Variants in KCNQ5 observed in about 807,000 individuals in gnomAD.
KCNQ5 encodes potassium voltage-gated channel subfamily Q member 5.
A neutral mutation model predicts 98.2 loss-of-function variants in KCNQ5; 30 were observed. The observed-to-expected ratio is 0.31, with a 90% CI of 0.23 to 0.41. The LOEUF is 0.41. KCNQ5 is among the 10% of genes least tolerant of loss of function. KCNQ5 has a pLI of 1.00. For missense variants in KCNQ5, 835 were observed against 1,182.5 expected, an observed-to-expected ratio of 0.71 and a Z score of 4.31; for synonymous variants, 458 against 449.4, an observed-to-expected ratio of 1.02 and a Z score of -0.24.
At chr6:72,820,821 G>A (rs1179589719) in intron 1 of KCNQ5, among the ~76,000 whole-genome samples, 1 of 152,144 alleles carries the variant, frequency 6.6e-6, no homozygotes, top group African/African-American at 2.4e-5. Context: ...CACATACGGT[G>A]TTTATGAATT....
At chr6:72,790,983 A>G (rs1774005041) in intron 1 of KCNQ5, among the ~76,000 whole-genome samples, 1 of 152,318 alleles carries the variant, frequency 6.6e-6, no homozygotes, top group Middle Eastern at 3.4e-3. Flanking sequence ...AATGGCACAC[A>G]TGGGGGGAAA....
At position 72,644,533 on chromosome 6, in the gene KCNQ5, A is replaced by G. The variant is rs76519172; in HGVS notation, c.398+21946A>G. On this transcript the variant is annotated intron_variant, in intron 1 of 13. Coordinates refer to ENST00000370398, the MANE Select transcript of KCNQ5 (RefSeq NM_019842.4). ...GTATTAACTTAGAGGTTACAAATCA[A>G]TTTTGAGTAGATAAATTCTCAAATA... is the stretch of plus-strand genomic sequence containing the variant. 4.2e-3 allele frequency among the ~76,000 whole-genome samples: 636 copies of G among 152,284 alleles called. 2 individuals carry two copies. Among genetic ancestry groups the G allele is most frequent in the Admixed American group, 4.4e-3 (68 of 15,282 alleles).
At chr6:72,864,416 G>C (rs1020250010) in intron 1 of KCNQ5, among the ~76,000 whole-genome samples, 1 of 152,134 alleles carries the variant, frequency 6.6e-6, no homozygotes, top group African/African-American at 2.4e-5. Context: ...CAAACTCTTT[G>C]CCCAGAAGCA....
At chr6:73,122,946 A>G (rs925169799) in intron 8 of KCNQ5, among the ~76,000 whole-genome samples, 1 of 152,204 alleles carries the variant, frequency 6.6e-6, no homozygotes, top group Non-Finnish European at 1.5e-5. Context: ...GTGTTGTAGT[A>G]AGAAACAGAC....
chr6:73,033,987 C>T (rs1298477408), intron 2 of KCNQ5, among the ~76,000 whole-genome samples: 1 of 152,154 alleles, frequency 6.6e-6, no homozygotes, highest in Non-Finnish European at 1.5e-5. Context: ...AGTTAGTAAG[C>T]ATGTTTTTAG....
chr6:72,913,098 A>G (rs1232215206), intron 1 of KCNQ5, among the ~76,000 whole-genome samples: 1 of 152,316 alleles, frequency 6.6e-6, no homozygotes, highest in South Asian at 2.1e-4. Flanking sequence ...ATTCTCATTT[A>G]TGATATATAC....
At chr6:72,878,565 G>A (rs1445440301) in intron 1 of KCNQ5, among the ~76,000 whole-genome samples, 1 of 152,064 alleles carries the variant, frequency 6.6e-6, no homozygotes, top group African/African-American at 2.4e-5. Flanking sequence ...TCCTGGCTGG[G>A]TACTTTTATG....
At position 73,077,857 on chromosome 6, in the gene KCNQ5, T is replaced by C; in HGVS notation, c.888T>C (p.Ser296=). Reference sequence around the variant, plus strand: ...AAAAGGATGCCAATAAAGAGTTTTCTACATATGCAGATGCTCTCTGGTGGG... The same window carrying C: ...AAAAGGATGCCAATAAAGAGTTTTCCACATATGCAGATGCTCTCTGGTGGG... ...LVEKDANKEF[S]TYADALWWGT... is the part of the protein sequence containing the mutation. Residue 296 remains serine (S), a synonymous_variant, in exon 5 of 14, where the codon TCT becomes TCC. Coordinates refer to ENST00000370398, the MANE Select transcript of KCNQ5 (RefSeq NM_019842.4). The C allele has an allele frequency of 2.5e-6, 4 of 1,612,312 alleles. No individual in the cohort carries two copies. The highest frequency in any genetic ancestry group is 1.1e-5 in the South Asian group (1 of 90,706).
chr6:72,876,432 C>T (rs1283359066), intron 1 of KCNQ5, among the ~76,000 whole-genome samples: 1 of 152,142 alleles, frequency 6.6e-6, no homozygotes, highest in Non-Finnish European at 1.5e-5. Context: ...CTCATAAAAA[C>T]AATAAAATCT....
rs112570616 is a variant in KCNQ5 at position 72,724,582 on chromosome 6, T to TAC, written c.398+102006_398+102007dup. Among the ~76,000 whole-genome samples the TAC allele has an allele frequency of 7.1e-3, 1,077 of 152,200 alleles. 17 individuals carry two copies. The highest frequency in any genetic ancestry group is 0.025 in the African/African-American group (1,028 of 41,528). ...GTGCCTTGGAAATTGTCCATGAACT[T>TAC]ACACACACACACCACATGTGAATTT... On this transcript the variant is annotated intron_variant, in intron 1 of 13. Transcript: ENST00000370398.
intron 1 of KCNQ5, among the ~76,000 whole-genome samples, chr6:72,632,295 C>G (rs2098921382): frequency 6.6e-6 from 1 of 151,698 alleles, no homozygotes; most frequent in Admixed American, 6.6e-5. Flanking sequence ...CCGCGACCAC[C>G]CCTGGCTAAT....
chr6:73,113,835 C>G (rs562783319), intron 7 of KCNQ5, among the ~76,000 whole-genome samples: 14 of 152,292 alleles, frequency 9.2e-5, no homozygotes, highest in Admixed American at 2.6e-4. Flanking sequence ...TTTTATGGAA[C>G]TGGGTTATGT....
intron 2 of KCNQ5, among the ~76,000 whole-genome samples, chr6:73,025,775 C>A (rs1289072071): frequency 6.6e-6 from 1 of 151,940 alleles, no homozygotes; most frequent in Non-Finnish European, 1.5e-5. Context: ...GTAAACAATA[C>A]CAAATCTCAC....
At chr6:72,980,749 G>T (rs746407559) in intron 1 of KCNQ5, among the ~76,000 whole-genome samples, 3 of 152,156 alleles carry the variant, frequency 2.0e-5, no homozygotes, top group Admixed American at 1.3e-4. Context: ...CCTGTCTTGT[G>T]CCAGTTTTCA....
chr6:72,915,016 A>G (rs1452770998), intron 1 of KCNQ5, among the ~76,000 whole-genome samples: 2 of 152,190 alleles, frequency 1.3e-5, no homozygotes, highest in Non-Finnish European at 2.9e-5. Flanking sequence ...CAAAAAAGAT[A>G]TAGAGAGAAA....
At chr6:72,853,112 T>C (rs756225728) in intron 1 of KCNQ5, among the ~76,000 whole-genome samples, 18 of 152,220 alleles carry the variant, frequency 1.2e-4, no homozygotes, top group Non-Finnish European at 2.4e-4. Flanking sequence ...AATAATTATG[T>C]TGATCCTTTA....
intron 1 of KCNQ5, among the ~76,000 whole-genome samples, chr6:72,646,955 A>T (rs1765620259): frequency 1.3e-5 from 2 of 152,226 alleles, no homozygotes; most frequent in South Asian, 2.1e-4. Context: ...GCAGAGCCAT[A>T]TGCAAAACTA....
rs745552203 is a variant in KCNQ5 at position 73,071,898 on chromosome 6, A to G, written c.617-5424A>G. ...GGTTAATTAAATAAATTAGTGTCCT[A>G]CCTTATATACATTTGTATTGTTTTG... On this transcript the variant is annotated intron_variant, in intron 3 of 13. Coordinates refer to ENST00000370398, the MANE Select transcript of KCNQ5 (RefSeq NM_019842.4). 2.0e-5 allele frequency among the ~76,000 whole-genome samples: 3 copies of G among 152,174 alleles called. No individual in the cohort carries two copies. In the East Asian group the frequency reaches 5.8e-4, roughly 29 times the overall value.
rs560633896 is a variant in KCNQ5 at position 72,842,127 on chromosome 6, A to G, written c.399-161781A>G. On this transcript the variant is annotated intron_variant, in intron 1 of 13. Transcript: ENST00000370398. The stretch of plus-strand genomic sequence containing the variant: ...AAGGGTTCAGGAGAGATCAGGCTAA[A>G]GAGGTTTCTGGTGGAGGAGGGTCAA... Among the ~76,000 whole-genome samples the G allele has an allele frequency of 2.6e-5, 4 of 152,320 alleles. No homozygotes were observed. The South Asian group carries it at 8.3e-4, about 32-fold the overall frequency.
Sources: gnomAD v4.1 joint callset for allele counts (sites outside exome capture counted in the v4.1 genomes callset) on GRCh38, gnomAD v4.1.1 for gene constraint, MANE v1.5 for transcripts, NCBI Gene and HGNC (gene_info 2026-07-23, HGNC 2026-07-21) for gene names.